CACNA1H: variants seen among roughly 807,000 people sequenced by gnomAD.
CACNA1H encodes calcium voltage-gated channel subunit alpha1 H.
CACNA1H carries 149 observed loss-of-function variants against 192.5 expected under a neutral mutation model. The observed-to-expected ratio is 0.77, with a 90% CI of 0.68 to 0.89. The LOEUF is 0.89. Ranked by LOEUF, CACNA1H falls within the 40% of genes least tolerant of loss-of-function variation. CACNA1H has a pLI of 0.00. For synonymous variants in CACNA1H, 2,202 were observed against 1,475.2 expected (o/e 1.49, Z -11.29); for missense variants, 4,257 against 3,423.5 (o/e 1.24, Z -6.08).
chr16:1,210,512 T>C lies in CACNA1H; in HGVS notation c.3969+19T>C, dbSNP rs1969309337. On this transcript the variant is annotated intron_variant, in intron 19 of 34. Coordinates refer to ENST00000348261, the MANE Select transcript of CACNA1H (RefSeq NM_021098.3). ...CAGCACCGTGAGTCAGCCAACCCCA[T>C]CGTCCCGGGCCACCACGACCCCCAG... 6.2e-7 allele frequency: 1 copy of C among 1,611,044 alleles called. No homozygotes were observed. Among genetic ancestry groups the C allele is most frequent in the Non-Finnish European group, 8.5e-7 (1 of 1,179,556 alleles).
chr16:1,202,575 A>G (rs1249358283), intron 9 of CACNA1H, 123 bp downstream of exon 9: 5 of 885,126 alleles, frequency 5.6e-6, no homozygotes, highest in Non-Finnish European at 8.2e-6. Flanking sequence ...TGACTTGTGA[A>G]ACAGACCAGC....
At chr16:1,210,237 G>A (rs944162372) in intron 18 of CACNA1H, 102 bp downstream of exon 18, 72 of 1,260,598 alleles carry the variant, frequency 5.7e-5, no homozygotes, top group African/African-American at 7.4e-5. Flanking sequence ...GGATATTTCC[G>A]AGTGGGCACC....
At chr16:1,183,854 C>CA (rs1965721006) in intron 2 of CACNA1H, among the ~76,000 whole-genome samples, 1 of 152,252 alleles carries the variant, frequency 6.6e-6, no homozygotes, top group East Asian at 1.9e-4. Flanking sequence ...AGTCTGCAAA[C>CA]ATCTGGCTCC....
chr16:1,208,686 C>T (rs1409831521), intron 16 of CACNA1H, among the ~76,000 whole-genome samples: 4 of 152,176 alleles, frequency 2.6e-5, no homozygotes, highest in South Asian at 2.1e-4. Context: ...GAGCCAGACG[C>T]CCTAGCAGGG....
chr16:1,174,451 G>A (rs1055204319), intron 2 of CACNA1H, among the ~76,000 whole-genome samples: 7 of 152,154 alleles, frequency 4.6e-5, no homozygotes, highest in Non-Finnish European at 7.4e-5. Flanking sequence ...CAACAGCTGC[G>A]GTCAGCACAG....
At chr16:1,184,231 A>G (rs1355930064) in intron 2 of CACNA1H, among the ~76,000 whole-genome samples, 2 of 152,256 alleles carry the variant, frequency 1.3e-5, no homozygotes, top group African/African-American at 2.4e-5. Context: ...CCCTGAGACC[A>G]GGGAGCAGAC....
rs375605628 is a variant in CACNA1H, at chr16:1,206,116, C to G, written c.2616C>G (p.Ile872Met). The G allele has an allele frequency of 1.5e-5, 24 of 1,581,546 alleles. No homozygotes were observed. Among genetic ancestry groups the G allele is most frequent in the Middle Eastern group, 3.6e-4 (2 of 5,608 alleles). Residue 872 changes from isoleucine to methionine, a missense_variant, in exon 12 of 35, where the codon ATC becomes ATG. By Grantham distance (10) the Ile-to-Met change is conservative (BLOSUM62 1). Coordinates refer to ENST00000348261, the MANE Select transcript of CACNA1H (RefSeq NM_021098.3). ...CACCTGTCCGCAGCGTCTGGGAGAT[C>G]GTGGGGCAGGCGGACGGTGGCTTGT... The part of the protein sequence containing the change: ...GIIVVISVWE[I>M]VGQADGGLSV...
Position 1,210,354 on chromosome 16 carries a change from G to A in CACNA1H, c.3846-16G>A, listed in dbSNP as rs764918796. ...CGCCGCCCCGCCCCACCTCTCACCC[G>A]CCCCCGCCCACCCAGGTTCCGCGTC... On this transcript the variant is annotated splice_polypyrimidine_tract_variant and intron_variant, in intron 18 of 34. Transcript: ENST00000348261. 34 of 157,776 alleles carry A rather than the reference G, an allele frequency of 2.2e-4. No homozygotes were observed. Among genetic ancestry groups the A allele is most frequent in the East Asian group, 7.7e-4 (4 of 5,168 alleles). The allele number at this position is 157,776 out of a possible 1,614,324, so 9.8% of individuals were successfully genotyped here.
chr16:1,210,824 A>G lies in CACNA1H; in HGVS notation c.4076A>G (p.Tyr1359Cys). 6.2e-7 allele frequency: 1 copy of G among 1,603,620 alleles called. No homozygotes were observed. Among genetic ancestry groups the G allele is most frequent in the Non-Finnish European group, 8.5e-7 (1 of 1,179,718 alleles). The change falls in exon 21 of 35, where the codon TAC becomes TGC. Residue 1359 changes from tyrosine to cysteine, a missense_variant. Transcript: ENST00000348261. ...GGGCTGCTGTCCGGCGAGCACGCCT[A>G]CCTGCAGAGCAGCTGGAACCTGCTG... ...ALGLLSGEHAYLQSSWNLLDG... is the reference protein window; with the variant it reads ...ALGLLSGEHACLQSSWNLLDG...
At chr16:1,193,921 C>T (rs577125603) in intron 2 of CACNA1H, among the ~76,000 whole-genome samples, 1 of 152,232 alleles carries the variant, frequency 6.6e-6, no homozygotes, top group South Asian at 2.1e-4. Flanking sequence ...TTCCTGTGAT[C>T]CCTGAGAGTT....
In CACNA1H at chr16:1,202,279, C is replaced by T. The variant is rs1210884369; in HGVS notation, c.1829C>T (p.Thr610Ile). The change falls in exon 9 of 35, where the codon ACC becomes ATC. Residue 610 changes from threonine (T) to isoleucine (I), a missense_variant. Coordinates refer to ENST00000348261, the MANE Select transcript of CACNA1H (RefSeq NM_021098.3). ...CTCAGACTGGCCACAGGGCTGGGCACCATGAACTACCCCACGATCCTGCCC... is the reference window on the plus strand; with the variant it reads ...CTCAGACTGGCCACAGGGCTGGGCATCATGAACTACCCCACGATCCTGCCC... ...ASLRLATGLG[T>I]MNYPTILPSG... is the part of the protein sequence containing the mutation. The T allele has an allele frequency of 7.0e-6, 11 of 1,581,656 alleles. No homozygotes were observed. The highest frequency in any genetic ancestry group is 9.4e-6 in the Non-Finnish European group (11 of 1,166,034).
Position 1,201,665 on chromosome 16 carries a change from G to A in CACNA1H, c.1215G>A (p.Val405=), listed in dbSNP as rs773974925. 4.4e-6 allele frequency: 7 copies of A among 1,593,134 alleles called. No homozygotes were observed. In the Middle Eastern group the frequency reaches 8.1e-4, roughly 183 times the overall value. The change falls in exon 9 of 35, where the codon GTG becomes GTA. Residue 405 remains valine, a splice_region_variant and synonymous_variant. Coordinates refer to ENST00000348261, the MANE Select transcript of CACNA1H (RefSeq NM_021098.3). The part of the protein sequence containing the change: ...NFIYFILLII[V]GSFFMINLCL... Reference sequence around the variant, plus strand: ...TTACCCGCCCGCCCCCGTCACAGGTGGGCTCCTTCTTCATGATCAACCTGT... The same window carrying A: ...TTACCCGCCCGCCCCCGTCACAGGTAGGCTCCTTCTTCATGATCAACCTGT...
chr16:1,181,694 G>A (rs570775492), intron 2 of CACNA1H, among the ~76,000 whole-genome samples: 5 of 152,292 alleles, frequency 3.3e-5, no homozygotes, highest in South Asian at 2.1e-4. Flanking sequence ...GGAGCTGTCC[G>A]CGTGTGCTCC....
At chr16:1,184,735 C>A (rs1308239463) in intron 2 of CACNA1H, among the ~76,000 whole-genome samples, 1 of 152,238 alleles carries the variant, frequency 6.6e-6, no homozygotes, top group African/African-American at 2.4e-5. Flanking sequence ...CCTATGCCTG[C>A]CCATGTGCCG....
Position 1,209,213 on chromosome 16 carries a change from G to A in CACNA1H, c.3545G>A (p.Gly1182Asp). The A allele has an allele frequency of 6.5e-7, 1 of 1,547,426 alleles. No homozygotes were observed. The highest frequency in any genetic ancestry group is 8.7e-7 in the Non-Finnish European group (1 of 1,147,216). ...KGSTDDEAED[G>D]RAAPGPRATP... is the part of the protein sequence containing the mutation. ...AGCACCGACGACGAAGCTGAGGACG[G>A]CAGGGCCGCGCCCGGGCCCCGTGCC... The change falls in exon 17 of 35, where the codon GGC (glycine) becomes GAC (aspartate). Residue 1182 changes from glycine to aspartate, a missense_variant. Transcript: ENST00000348261.
rs375558281 is a variant in CACNA1H at position 1,207,339 on chromosome 16, C to T, written c.2972C>T (p.Ala991Val). The T allele has an allele frequency of 6.2e-7, 1 of 1,612,010 alleles. No individual in the cohort carries two copies. Among genetic ancestry groups the T allele is most frequent in the Non-Finnish European group, 8.5e-7 (1 of 1,179,332 alleles). Residue 991 changes from alanine (A) to valine (V), a missense_variant, in exon 14 of 35, where the codon GCC becomes GTC. Transcript: ENST00000348261. The stretch of plus-strand genomic sequence containing the variant: ...GGCATGGCCTCCACCTCCTCCTGGG[C>T]CGCCCTCTACTTCGTGGCCCTCATG... ...YNGMASTSSW[A>V]ALYFVALMTF...
chr16:1,195,063 G>A lies in CACNA1H; in HGVS notation c.391G>A (p.Glu131Lys), dbSNP rs753494538. The A allele has an allele frequency of 6.8e-6, 11 of 1,607,456 alleles. No homozygotes were observed. Among genetic ancestry groups the A allele is most frequent in the African/African-American group, 2.7e-5 (2 of 74,474 alleles). Residue 131 changes from glutamate to lysine, a missense_variant, in exon 3 of 35, where the codon GAG (glutamate) becomes AAG (lysine). Physicochemically the swap from Glu to Lys is moderately conservative, Grantham distance 56 (BLOSUM62 1). Coordinates refer to ENST00000348261, the MANE Select transcript of CACNA1H (RefSeq NM_021098.3). Reference sequence around the variant, plus strand: ...CTGTGAGGACGTTGAGTGCGGCTCCGAGCGCTGCAACATCCTGGAGGTGAG... The same window carrying A: ...CTGTGAGGACGTTGAGTGCGGCTCCAAGCGCTGCAACATCCTGGAGGTGAG... ...RPCEDVECGSERCNILEAFDA... is the reference protein window; with the variant it reads ...RPCEDVECGSKRCNILEAFDA...
At position 1,161,895 on chromosome 16, in the gene CACNA1H, C is replaced by T. The variant is rs1019928470; in HGVS notation, c.299+7859C>T. Among the ~76,000 whole-genome samples the T allele has an allele frequency of 5.3e-5, 8 of 152,234 alleles. No homozygotes were observed. In the East Asian group the frequency reaches 5.8e-4, roughly 11 times the overall value. On this transcript the variant is annotated intron_variant, in intron 2 of 34. Coordinates refer to ENST00000348261, the MANE Select transcript of CACNA1H (RefSeq NM_021098.3). ...TCCGTGGGGTGGGCCTGGTCGGACG[C>T]GTTAATGGAGCTGCAGGCAAGGCTC...
intron 2 of CACNA1H, among the ~76,000 whole-genome samples, chr16:1,169,697 A>G (rs1397766297): frequency 2.0e-5 from 3 of 152,212 alleles, no homozygotes; most frequent in Admixed American, 6.5e-5. Flanking sequence ...CGCTGGGGGC[A>G]GCTGACACCA....
Sources: gnomAD v4.1 joint callset for allele counts (sites outside exome capture counted in the v4.1 genomes callset) on GRCh38, gnomAD v4.1.1 for gene constraint, MANE v1.5 for transcripts, NCBI Gene and HGNC (gene_info 2026-07-23, HGNC 2026-07-21) for gene names.